CALN1: variants seen among roughly 807,000 people sequenced by gnomAD.
CALN1 encodes the protein calcium-binding protein 8.
CALN1 carries 17 observed loss-of-function variants against 30.6 expected under a neutral mutation model. That is an observed-to-expected ratio of 0.56 (90% CI 0.38 to 0.83). CALN1 has a LOEUF of 0.83. Among genes scored for constraint, CALN1 ranks in the 40% least tolerant of loss-of-function variants. CALN1 has a pLI of 0.00. For synonymous variants in CALN1, 156 were observed against 131.4 expected, an observed-to-expected ratio of 1.19 and a Z score of -1.28; for missense variants, 291 against 354.9, an observed-to-expected ratio of 0.82 and a Z score of 1.45.
chr7:72,226,885 C>A (rs512843), intron 3 of CALN1, among the ~76,000 whole-genome samples: 104,803 of 151,708 alleles, frequency 0.69, 36,748 homozygotes, highest in East Asian at 1. Flanking sequence ...CTACAAAAAA[C>A]AATTAGCCAC....
Position 71,932,076 on chromosome 7 carries a change from T to A in CALN1, c.501+91581A>T, listed in dbSNP as rs941257285. 7.2e-5 allele frequency among the ~76,000 whole-genome samples: 11 copies of A among 152,348 alleles called. No individual in the cohort carries two copies. In the East Asian group the frequency reaches 2.1e-3, roughly 29 times the overall value. ...CACTGAATCACCAGCTTTTCTGTTG[T>A]GCCACTGGAGGTAGCCGCCTTGGAG... On this transcript the variant is annotated intron_variant, in intron 5 of 6. Transcript: ENST00000395275.
intron 5 of CALN1, among the ~76,000 whole-genome samples, chr7:71,844,414 T>C (rs1790116128): frequency 6.6e-6 from 1 of 152,232 alleles, no homozygotes; most frequent in Admixed American, 6.5e-5. Context: ...AACAGCTTTA[T>C]GCATAGCCAG....
chr7:72,040,399 C>T lies in CALN1; in HGVS notation c.389-16630G>A, dbSNP rs533575198. Among the ~76,000 whole-genome samples, 20 of 152,000 alleles carry T rather than the reference C, an allele frequency of 1.3e-4. No homozygotes were observed. In the South Asian group the frequency reaches 1.7e-3, roughly 13 times the overall value. On this transcript the variant is annotated intron_variant, in intron 4 of 6. Transcript: ENST00000395275. Reference sequence around the variant, plus strand: ...ACTCAGAAGGCTGAGACAGGAAGATCGCTTGATCCTGGGAAGTTGTGGCTG... The same window carrying T: ...ACTCAGAAGGCTGAGACAGGAAGATTGCTTGATCCTGGGAAGTTGTGGCTG...
chr7:72,142,933 A>C (rs1810062739), intron 3 of CALN1, among the ~76,000 whole-genome samples: 1 of 152,174 alleles, frequency 6.6e-6, no homozygotes, highest in Non-Finnish European at 1.5e-5. Context: ...CAGAAGGAAA[A>C]CTAACAAACA....
chr7:72,192,517 T>C (rs1790682341), intron 3 of CALN1, among the ~76,000 whole-genome samples: 1 of 152,014 alleles, frequency 6.6e-6, no homozygotes. Context: ...TCACGATGGA[T>C]TGTGATAGGG....
intron 5 of CALN1, among the ~76,000 whole-genome samples, chr7:71,821,792 T>C (rs540243558): frequency 1.5e-3 from 226 of 150,732 alleles, no homozygotes; most frequent in African/African-American, 5.2e-3. Context: ...TTCTTTCTTT[T>C]TTTTTTTTTT....
intron 5 of CALN1, among the ~76,000 whole-genome samples, chr7:71,999,185 C>T (rs1336811962): frequency 6.6e-6 from 1 of 152,086 alleles, no homozygotes; most frequent in Non-Finnish European, 1.5e-5. Flanking sequence ...TACATCAATA[C>T]AAATAAAGTC....
chr7:72,300,870 G>A (rs1387550399), intron 2 of CALN1, among the ~76,000 whole-genome samples: 1 of 152,102 alleles, frequency 6.6e-6, no homozygotes, highest in Non-Finnish European at 1.5e-5. Flanking sequence ...GCACGTGCCT[G>A]TAATCCCAGC....
intron 3 of CALN1, among the ~76,000 whole-genome samples, chr7:72,145,777 T>A (rs1433333523): frequency 6.6e-6 from 1 of 152,100 alleles, no homozygotes; most frequent in African/African-American, 2.4e-5. Flanking sequence ...TCCACCATGA[T>A]CAAGTGGGCT....
At chr7:72,090,215 T>C (rs1278302503) in intron 4 of CALN1, among the ~76,000 whole-genome samples, 2 of 152,086 alleles carry the variant, frequency 1.3e-5, no homozygotes, top group Non-Finnish European at 2.9e-5. Context: ...GGCAGGAGAA[T>C]TGCTTGAACC....
Position 71,847,776 on chromosome 7 carries a change from G to GAAGAAAAGAAGAAGAAGA in CALN1, c.502-37285_502-37284insTCTTCTTCTTCTTTTCTT, listed in dbSNP as rs1562835581. On this transcript the variant is annotated intron_variant, in intron 5 of 6. Coordinates refer to ENST00000395275, the MANE Select transcript of CALN1 (RefSeq NM_031468.4). ...AAGAAGAAAGAAGAAGAAGAAGAAAGAAGAAGAAGAAGAAGAAGAAAAGAA... is the reference window on the plus strand; with the variant it reads ...AAGAAGAAAGAAGAAGAAGAAGAAAGAAGAAAAGAAGAAGAAGAAAGAAGAAGAAGAAGAAGAAAAGAA... Among the ~76,000 whole-genome samples the GAAGAAAAGAAGAAGAAGA allele has an allele frequency of 9.9e-4, 66 of 66,954 alleles. 3 individuals carry two copies. The highest frequency in any genetic ancestry group is 2.2e-3 in the South Asian group (3 of 1,360). 43.9% of individuals were successfully genotyped at this position (66,954 alleles called of 152,430 possible). A position where few individuals can be genotyped will look rare whatever the true frequency, so the allele number is the denominator to read the frequency against.
At chr7:72,282,932 T>C (rs1468212734) in intron 2 of CALN1, among the ~76,000 whole-genome samples, 1 of 151,734 alleles carries the variant, frequency 6.6e-6, no homozygotes, top group Non-Finnish European at 1.5e-5. Context: ...TGGGTGCCTG[T>C]AATCCCAGCT....
chr7:72,369,833 T>C (rs576081497), intron 2 of CALN1, among the ~76,000 whole-genome samples: 1 of 152,208 alleles, frequency 6.6e-6, no homozygotes, highest in Admixed American at 6.5e-5. Context: ...TATTCCATTG[T>C]ATGAATACAC....
intron 3 of CALN1, among the ~76,000 whole-genome samples, chr7:72,135,252 G>C (rs1017213868): frequency 6.6e-6 from 1 of 152,188 alleles, no homozygotes; most frequent in African/African-American, 2.4e-5. Context: ...AATCACAAAT[G>C]TTCTTAATGG....
At chr7:71,892,574 G>A (rs1793304458) in intron 5 of CALN1, among the ~76,000 whole-genome samples, 2 of 152,192 alleles carry the variant, frequency 1.3e-5, no homozygotes, top group South Asian at 2.1e-4. Context: ...TCAGTGAGCC[G>A]AGATCATGCT....
At chr7:72,420,996 A>C (rs1807590682) in intron 1 of CALN1, among the ~76,000 whole-genome samples, 1 of 151,844 alleles carries the variant, frequency 6.6e-6, no homozygotes, top group African/African-American at 2.4e-5. Flanking sequence ...CAAATTTCCC[A>C]ATTTCCAGGG....
At chr7:71,818,691 T>TA (rs1491131776) in intron 5 of CALN1, among the ~76,000 whole-genome samples, 1 of 146,358 alleles carries the variant, frequency 6.8e-6, no homozygotes, top group East Asian at 2.1e-4. Context: ...TTTATTTATT[T>TA]ATTTATTTAT....
At chr7:72,359,468 T>C (rs942479886) in intron 2 of CALN1, among the ~76,000 whole-genome samples, 2 of 152,244 alleles carry the variant, frequency 1.3e-5, no homozygotes, top group African/African-American at 2.4e-5. Flanking sequence ...CACATTGTTC[T>C]CTACCTTTCT....
intron 5 of CALN1, among the ~76,000 whole-genome samples, chr7:72,010,880 C>T (rs1312933634): frequency 1.3e-5 from 2 of 148,772 alleles, no homozygotes; most frequent in African/African-American, 2.5e-5. Flanking sequence ...ATTAGCCAGG[C>T]GTGGTGGCTA....
Sources: gnomAD v4.1 joint callset for allele counts (sites outside exome capture counted in the v4.1 genomes callset) on GRCh38, gnomAD v4.1.1 for gene constraint, MANE v1.5 for transcripts, NCBI Gene and HGNC (gene_info 2026-07-23, HGNC 2026-07-21) for gene names.